The following TRERF1 variants were observed in gnomAD, a reference collection of about 807,000 sequenced individuals.
TRERF1 encodes the protein transcriptional regulating factor 1, also known as transcriptional-regulating factor 1.
TRERF1 carries 27 observed loss-of-function variants against 122.9 expected under a neutral mutation model. The ratio of observed to expected loss-of-function variants is 0.22; its 90% CI spans 0.16 to 0.30. TRERF1 has a LOEUF of 0.30. Ranked by LOEUF, TRERF1 falls within the 10% of genes least tolerant of loss-of-function variation. The pLI, the probability that TRERF1 is intolerant of heterozygous loss-of-function variation, is 1.00. For missense variants in TRERF1, 1,248 were observed against 1,560.3 expected (o/e 0.80, Z 3.37); for synonymous variants, 636 against 641.7 (o/e 0.99, Z 0.13).
At chr6:42,280,274 A>C (rs1782068001) in intron 4 of TRERF1, among the ~76,000 whole-genome samples, 1 of 152,212 alleles carries the variant, frequency 6.6e-6, no homozygotes, top group Non-Finnish European at 1.5e-5. Context: ...ACCTCTGGCA[A>C]CTAGGGCTGG....
intron 4 of TRERF1, among the ~76,000 whole-genome samples, chr6:42,283,925 C>A (rs542622854): frequency 6.6e-6 from 1 of 151,956 alleles, no homozygotes; most frequent in African/African-American, 2.4e-5. Context: ...CCAAAAAAAA[C>A]CTTTATGTGC....
At chr6:42,424,728 T>C (rs1783342175) in intron 2 of TRERF1, among the ~76,000 whole-genome samples, 1 of 152,204 alleles carries the variant, frequency 6.6e-6, no homozygotes, top group Non-Finnish European at 1.5e-5. Context: ...AGGGAAGAAA[T>C]GGAATCTCAT....
At chr6:42,410,036 G>A (rs972675740) in intron 2 of TRERF1, among the ~76,000 whole-genome samples, 4 of 152,156 alleles carry the variant, frequency 2.6e-5, no homozygotes, top group African/African-American at 7.2e-5. Flanking sequence ...TTCAGGCACC[G>A]TGCTGAATAA....
chr6:42,339,833 G>A (rs1766909275), intron 3 of TRERF1, among the ~76,000 whole-genome samples: 1 of 152,186 alleles, frequency 6.6e-6, no homozygotes, highest in South Asian at 2.1e-4. Context: ...ACTACCTGTG[G>A]CTGAGCCCTG....
chr6:42,263,160 G>C lies in TRERF1; in HGVS notation c.1884+160C>G. The C allele has an allele frequency of 7.2e-7, 1 of 1,396,912 alleles. No individual in the cohort carries two copies. 86.5% of individuals were successfully genotyped at this position (1,396,912 alleles called of 1,614,324 possible). A position where few individuals can be genotyped will look rare whatever the true frequency, so the allele number is the denominator to read the frequency against. ...GGGTTCAGCCCTGAGAGACCAAGCC[G>C]TATCCAAGCTCAGGTCAGTGACTCT... On this transcript the variant is annotated intron_variant, in intron 8 of 17. Transcript: ENST00000372922. The surrounding 1 kb of genome is among the most constrained non-coding windows in gnomAD (Gnocchi z 5.6).
At chr6:42,451,412 C>T (rs991902988) in intron 1 of TRERF1, among the ~76,000 whole-genome samples, 151 bp from the exon 2 acceptor site, 6 of 151,888 alleles carry the variant, frequency 4.0e-5, no homozygotes, top group Non-Finnish European at 5.9e-5. Context: ...GGGAACCTGG[C>T]CCCTCGTCCC....
At chr6:42,246,860 G>A (rs1490525126) in intron 13 of TRERF1, among the ~76,000 whole-genome samples, 2 of 152,224 alleles carry the variant, frequency 1.3e-5, no homozygotes, top group Non-Finnish European at 2.9e-5. Flanking sequence ...CACAAAAAGT[G>A]TCCAGCATCA....
intron 2 of TRERF1, among the ~76,000 whole-genome samples, chr6:42,399,270 T>C (rs1779056854): frequency 6.6e-6 from 1 of 152,208 alleles, no homozygotes; most frequent in African/African-American, 2.4e-5. Flanking sequence ...ATTAAACCAA[T>C]ACTGTAGTCA....
intron 4 of TRERF1, among the ~76,000 whole-genome samples, chr6:42,290,174 C>T (rs748503498): frequency 1.2e-4 from 19 of 152,204 alleles, no homozygotes; most frequent in Admixed American, 3.3e-4. Flanking sequence ...CTTCCTCACA[C>T]CAGTCAGCAC....
Position 42,269,548 on chromosome 6 carries a change from C to T in TRERF1, c.43G>A (p.Gly15Ser). The T allele has an allele frequency of 6.2e-7, 1 of 1,614,194 alleles. No individual in the cohort carries two copies. Among genetic ancestry groups the T allele is most frequent in the Non-Finnish European group, 8.5e-7 (1 of 1,180,030 alleles). Residue 15 changes from glycine (G) to serine (S), a missense_variant, in exon 5 of 18, where the codon GGT becomes AGT. Physicochemically the swap from Gly to Ser is moderately conservative, Grantham distance 56 (BLOSUM62 0). Around this residue, in one of 5 missense-constraint regions of TRERF1, gnomAD observed 946 missense variants for 1,073.0 expected, o/e 0.88. Coordinates refer to ENST00000372922, the Ensembl canonical transcript of TRERF1. This position sits in a 1 kb window ranked among gnomAD's most constrained non-coding sequence, Gnocchi z 4.9. ...TGTTGGTAGAAAAGGTTCTCACTAC[C>T]ATGGGCCACATGGTTGGTCTTGTAC...
At position 42,268,629 on chromosome 6, in the gene TRERF1, A is replaced by T. The variant is rs773501673; in HGVS notation, c.962T>A (p.Met321Lys). ...GGGCTGATAATACTGAGGTATCTGC[A>T]TTGAACCCTGCCGCTGCTGCAGCTG... Residue 321 changes from methionine to lysine, a missense_variant, in exon 5 of 18, where the codon ATG becomes AAG. By Grantham distance (95) the Met-to-Lys change is moderately conservative. Coordinates refer to ENST00000372922, the Ensembl canonical transcript of TRERF1. The surrounding 1 kb of genome is among the most constrained non-coding windows in gnomAD (Gnocchi z 4.4). 1.2e-6 allele frequency: 2 copies of T among 1,614,126 alleles called. No homozygotes were observed. The highest frequency in any genetic ancestry group is 1.7e-6 in the Non-Finnish European group (2 of 1,179,984).
At chr6:42,311,891 G>A (rs755430336) in intron 3 of TRERF1, among the ~76,000 whole-genome samples, 18 of 152,060 alleles carry the variant, frequency 1.2e-4, no homozygotes, top group African/African-American at 2.7e-4. Flanking sequence ...AGCTGTTGTC[G>A]TCTTCCAAGT....
At chr6:42,423,571 T>C (rs1783134779) in intron 2 of TRERF1, among the ~76,000 whole-genome samples, 1 of 152,150 alleles carries the variant, frequency 6.6e-6, no homozygotes, top group Non-Finnish European at 1.5e-5. Flanking sequence ...CAGGAAACCA[T>C]AGATATCAGA....
chr6:42,352,831 A>G (rs1237790479), intron 3 of TRERF1, among the ~76,000 whole-genome samples: 1 of 152,252 alleles, frequency 6.6e-6, no homozygotes, highest in Non-Finnish European at 1.5e-5. Context: ...CATGCAAATG[A>G]AAATGAGATC....
intron 2 of TRERF1, among the ~76,000 whole-genome samples, chr6:42,413,658 G>A (rs975927973): frequency 8.6e-5 from 13 of 151,966 alleles, no homozygotes; most frequent in African/African-American, 3.1e-4. Flanking sequence ...TTGATCTCTT[G>A]ACCTCGTGAT....
Position 42,434,710 on chromosome 6 carries a change from A to ACC in TRERF1, c.-454+16465_-454+16466dup, listed in dbSNP as rs3075924. Among the ~76,000 whole-genome samples, 58 of 147,460 alleles carry ACC rather than the reference A, an allele frequency of 3.9e-4. 1 individual carries two copies. The highest frequency in any genetic ancestry group is 3.4e-3 in the South Asian group (15 of 4,470). ...CACACACACACACACACACACACAC[A>ACC]CCCCTAATAGGAGTTATTCATGTAG... is the stretch of plus-strand genomic sequence containing the variant. On this transcript the variant is annotated intron_variant, in intron 2 of 17. Coordinates refer to ENST00000372922, the Ensembl canonical transcript of TRERF1.
intron 2 of TRERF1, among the ~76,000 whole-genome samples, chr6:42,425,750 A>G (rs574363459): frequency 2.4e-4 from 36 of 151,132 alleles, no homozygotes; most frequent in South Asian, 2.3e-3. Flanking sequence ...TCACTATGTT[A>G]GCCAGGCTGG....
chr6:42,238,835 T>TCACACAGACA (rs202048642), intron 15 of TRERF1, among the ~76,000 whole-genome samples: 1 of 143,030 alleles, frequency 7.0e-6, no homozygotes, highest in Non-Finnish European at 1.5e-5. Flanking sequence ...ATCATGCATT[T>TCACACAGACA]CACACACACA....
exon 12 of TRERF1, chr6:42,256,756 G>C: frequency 6.2e-7 from 1 of 1,614,212 alleles, no homozygotes; most frequent in South Asian, 1.1e-5. Context: ...CTCAAACAGA[G>C]AGTGCAAAGC....
Sources: allele counts gnomAD v4.1 joint callset (sites outside exome capture counted in the v4.1 genomes callset), GRCh38; gene constraint gnomAD v4.1.1; regional missense constraint gnomAD v4.1.1; non-coding constraint Gnocchi (gnomAD v3.1); transcripts MANE v1.5; gene names NCBI Gene and HGNC (gene_info 2026-07-23, HGNC 2026-07-21).